ZC3H7B: variants seen among roughly 807,000 people sequenced by gnomAD.
ZC3H7B encodes the protein zinc finger CCCH-type containing 7B.
A neutral mutation model predicts 116.0 loss-of-function variants in ZC3H7B; 35 were observed. That is an observed-to-expected ratio of 0.30 (90% CI 0.23 to 0.40). The LOEUF is 0.40. Among genes scored for constraint, ZC3H7B ranks in the 10% least tolerant of loss-of-function variants. The probability of loss-of-function intolerance (pLI) is 1.00; values close to 1 mark genes in which losing one functional copy is unlikely to be tolerated. For missense variants in ZC3H7B, 1,011 were observed against 1,321.5 expected, an observed-to-expected ratio of 0.77 and a Z score of 3.64; for synonymous variants, 502 against 545.6, an observed-to-expected ratio of 0.92 and a Z score of 1.11.
chr22:41,317,962 C>T (rs2036206120), intron 1 of ZC3H7B, among the ~76,000 whole-genome samples: 1 of 152,176 alleles, frequency 6.6e-6, no homozygotes, highest in Non-Finnish European at 1.5e-5. Flanking sequence ...TTCCTAGCCT[C>T]TTGGAGTACT....
chr22:41,357,519 G>A lies in ZC3H7B; in HGVS notation c.*90G>A, dbSNP rs988942308. ...TAGAAGGGTCAGGGCAGGCCAGGGG[G>A]GTGGGGGGCCGCCCTCATCAGGCAG... On this transcript the variant is annotated 3_prime_UTR_variant, in exon 23 of 23. Transcript: ENST00000352645. This position sits in a 1 kb window ranked among gnomAD's most constrained non-coding sequence, Gnocchi z 5.4. The A allele has an allele frequency of 1.7e-5, 17 of 1,015,186 alleles. No individual in the cohort carries two copies. In the East Asian group the frequency reaches 4.6e-4, roughly 27 times the overall value. The allele number at this position is 1,015,186 out of a possible 1,614,324, so 62.9% of individuals were successfully genotyped here.
rs6002347 is a variant in ZC3H7B, at chr22:41,354,209, C to T, written c.2035-1260C>T. ...CATACCCTCGGTGCCCCCTTTATCTCGCCCAAGAAATGGTAATAATGCCTT... is the reference window on the plus strand; with the variant it reads ...CATACCCTCGGTGCCCCCTTTATCTTGCCCAAGAAATGGTAATAATGCCTT... On this transcript the variant is annotated intron_variant, in intron 17 of 22. Transcript: ENST00000352645. Among the ~76,000 whole-genome samples, 292 of 152,296 alleles carry T rather than the reference C, an allele frequency of 1.9e-3. 1 individual carries two copies. The highest frequency in any genetic ancestry group is 6.6e-3 in the African/African-American group (275 of 41,556).
At position 41,308,341 on chromosome 22, in the gene ZC3H7B, C is replaced by T. The variant is rs372641414; in HGVS notation, c.-7+6569C>T. ...CCCTCTCCCTCCACAGGCTGAGGAA[C>T]GCAGGGCAGGGAGCCCAAAGTCCTG... On this transcript the variant is annotated intron_variant, in intron 1 of 22. Transcript: ENST00000352645. Among the ~76,000 whole-genome samples the T allele has an allele frequency of 2.4e-3, 365 of 152,186 alleles. 2 individuals are homozygous for T. The highest frequency in any genetic ancestry group is 7.9e-3 in the African/African-American group (326 of 41,514).
At chr22:41,319,213 A>G (rs908171691) in intron 1 of ZC3H7B, among the ~76,000 whole-genome samples, 2 of 152,156 alleles carry the variant, frequency 1.3e-5, no homozygotes, top group Non-Finnish European at 2.9e-5. Context: ...CATCCTGGCT[A>G]ACACGGTGAA....
chr22:41,334,155 A>T (rs1256558635), intron 7 of ZC3H7B: 1 of 152,232 alleles, frequency 6.6e-6, no homozygotes, highest in African/African-American at 2.4e-5. Flanking sequence ...GAAGGCATTG[A>T]GGGGAGGCAG....
chr22:41,332,133 A>G (rs1601779353), intron 6 of ZC3H7B, 38 bp from the exon 7 acceptor site: 1 of 1,612,650 alleles, frequency 6.2e-7, no homozygotes, highest in South Asian at 1.1e-5. Flanking sequence ...TCTTTTCAGA[A>G]TCTTTACCTC....
chr22:41,302,507 G>T lies in ZC3H7B; in HGVS notation c.-7+735G>T, dbSNP rs371469442. 4.6e-5 allele frequency among the ~76,000 whole-genome samples: 7 copies of T among 152,314 alleles called. No individual in the cohort carries two copies. Among genetic ancestry groups the T allele is most frequent in the African/African-American group, 1.7e-4 (7 of 41,578 alleles). On this transcript the variant is annotated intron_variant, in intron 1 of 22. Transcript: ENST00000352645. The surrounding 1 kb of genome is among the most constrained non-coding windows in gnomAD (Gnocchi z 5.7). ...GAGTGCTAGGGGGCTGCGGACCCCG[G>T]CTCTGGCGCCTGGGGACGGGGGCGC...
intron 11 of ZC3H7B, 112 bp downstream of exon 11, chr22:41,341,258 G>T: frequency 7.7e-7 from 1 of 1,297,178 alleles, no homozygotes; most frequent in East Asian, 2.5e-5. Flanking sequence ...TCCCCACGGC[G>T]GGGCACTCCC....
chr22:41,334,047 T>C (rs2036413313), intron 7 of ZC3H7B: 1 of 152,150 alleles, frequency 6.6e-6, no homozygotes, highest in African/African-American at 2.4e-5. Context: ...GCTCAGAGTG[T>C]GGGAGGAACC....
At chr22:41,339,401 G>A (rs969831440) in intron 9 of ZC3H7B, among the ~76,000 whole-genome samples, 2 of 152,250 alleles carry the variant, frequency 1.3e-5, no homozygotes, top group Non-Finnish European at 1.5e-5. Flanking sequence ...CCAAGGCAGC[G>A]GATTACTTGA....
chr22:41,314,045 G>A (rs1367766471), intron 1 of ZC3H7B, among the ~76,000 whole-genome samples: 2 of 151,516 alleles, frequency 1.3e-5, no homozygotes, highest in African/African-American at 2.4e-5. Flanking sequence ...GTCAGCTACC[G>A]CGCCTGTCCG....
In ZC3H7B at chr22:41,355,740, C is replaced by T. The variant is rs776294716; in HGVS notation, c.2169-17C>T. 1.9e-6 allele frequency: 3 copies of T among 1,613,892 alleles called. No homozygotes were observed. The highest frequency in any genetic ancestry group is 1.7e-5 in the Admixed American group (1 of 60,010). ...GGCTGTGCCCTGACCTCTCCCCAAC[C>T]CTGCTCTGTCCTGCAGCTGGACCAA... On this transcript the variant is annotated splice_polypyrimidine_tract_variant and intron_variant, in intron 18 of 22. Transcript: ENST00000352645.
chr22:41,340,359 G>A (rs918401906), intron 10 of ZC3H7B, among the ~76,000 whole-genome samples: 7 of 152,030 alleles, frequency 4.6e-5, no homozygotes, highest in African/African-American at 1.7e-4. Flanking sequence ...GCAGAGGAGA[G>A]CTGCGACAGT....
At chr22:41,343,672 G>C (rs894556306) in intron 13 of ZC3H7B, 96 bp downstream of exon 13, 19 of 1,419,644 alleles carry the variant, frequency 1.3e-5, no homozygotes, top group Non-Finnish European at 1.7e-5. Flanking sequence ...GACAGAACAG[G>C]GGTGGGCCTC....
chr22:41,307,251 AG>A (rs1480885677), intron 1 of ZC3H7B, among the ~76,000 whole-genome samples: 1 of 152,098 alleles, frequency 6.6e-6, no homozygotes, highest in Non-Finnish European at 1.5e-5. Context: ...CTGGGATTAT[AG>A]GCATGAGCCC....
At chr22:41,310,317 C>G (rs564650722) in intron 1 of ZC3H7B, among the ~76,000 whole-genome samples, 1 of 152,310 alleles carries the variant, frequency 6.6e-6, no homozygotes, top group African/African-American at 2.4e-5. Flanking sequence ...GGGAGGCACA[C>G]CAGGTGGAGC....
At position 41,322,615 on chromosome 22, in the gene ZC3H7B, C is replaced by A. The variant is rs373248830; in HGVS notation, c.53+1902C>A. ...CACAACACTAATGAAGCGTGGGCAT[C>A]GTGGCCTCTCACTTGCACGAGCCCC... On this transcript the variant is annotated intron_variant, in intron 2 of 22. Coordinates refer to ENST00000352645, the MANE Select transcript of ZC3H7B (RefSeq NM_017590.6). Among the ~76,000 whole-genome samples the A allele has an allele frequency of 5.3e-5, 8 of 152,270 alleles. No individual in the cohort carries two copies. The South Asian group carries it at 6.2e-4, about 12-fold the overall frequency.
chr22:41,338,766 T>A lies in ZC3H7B; in HGVS notation c.626-235T>A, dbSNP rs1261214893. Among the ~76,000 whole-genome samples, 1 of 152,132 alleles carries A rather than the reference T, an allele frequency of 6.6e-6. No homozygotes were observed. Among genetic ancestry groups the A allele is most frequent in the Non-Finnish European group, 1.5e-5 (1 of 67,998 alleles). On this transcript the variant is annotated intron_variant, in intron 8 of 22. Transcript: ENST00000352645. The surrounding 1 kb of genome is among the most constrained non-coding windows in gnomAD (Gnocchi z 4.5). The stretch of plus-strand genomic sequence containing the variant: ...GTGGTGGACATTTAGGCATTGAGCC[T>A]GGGCCAAGGATTGACATCATAGGAC...
At chr22:41,342,467 C>G in intron 11 of ZC3H7B, 62 bp from the exon 12 acceptor site, 2 of 1,529,970 alleles carry the variant, frequency 1.3e-6, no homozygotes, top group Non-Finnish European at 1.8e-6. Flanking sequence ...GGTGCCCTGG[C>G]TGGCCCCAGT....
Sources: allele counts gnomAD v4.1 joint callset (sites outside exome capture counted in the v4.1 genomes callset), GRCh38; gene constraint gnomAD v4.1.1; non-coding constraint Gnocchi (gnomAD v3.1); transcripts MANE v1.5; gene names NCBI Gene and HGNC (gene_info 2026-07-23, HGNC 2026-07-21).